ANGPT4: variants seen among roughly 807,000 people sequenced by gnomAD.
ANGPT4 encodes angiopoietin-4.
Under a neutral mutation model 53.0 loss-of-function variants are expected in ANGPT4, and 50 were observed. That is an observed-to-expected ratio of 0.94 (90% CI 0.75 to 1.20). The LOEUF (loss-of-function observed/expected upper bound fraction) is 1.20. Among genes scored for constraint, ANGPT4 ranks in the 50% most tolerant of loss-of-function variants. ANGPT4 has a pLI of 0.00. For missense variants in ANGPT4, 648 were observed against 637.1 expected (o/e 1.02, Z -0.18); for synonymous variants, 251 against 259.7 (o/e 0.97, Z 0.32).
chr20:889,101 C>T (rs929343490), intron 2 of ANGPT4, among the ~76,000 whole-genome samples: 1 of 152,192 alleles, frequency 6.6e-6, no homozygotes, highest in East Asian at 1.9e-4. Flanking sequence ...GCACTCTCTG[C>T]AGTAAGCCTG....
chr20:909,194 T>C (rs1281674108), intron 1 of ANGPT4, among the ~76,000 whole-genome samples: 1 of 152,164 alleles, frequency 6.6e-6, no homozygotes, highest in Non-Finnish European at 1.5e-5. Context: ...ACGAGGTTTA[T>C]GAGTCAATGT....
At chr20:901,147 C>T (rs997703074) in intron 1 of ANGPT4, among the ~76,000 whole-genome samples, 12 of 152,174 alleles carry the variant, frequency 7.9e-5, no homozygotes, top group Admixed American at 1.3e-4. Flanking sequence ...CACCCCAACA[C>T]TTCACCTCTA....
chr20:891,278 T>C (rs1201889729), intron 1 of ANGPT4, among the ~76,000 whole-genome samples: 1 of 152,164 alleles, frequency 6.6e-6, no homozygotes, highest in Non-Finnish European at 1.5e-5. Context: ...CCAAGCTGTG[T>C]TTTCTATCTT....
rs1330392863 is a variant in ANGPT4 at position 908,109 on chromosome 20, C to A, written c.309+7797G>T. 6.6e-6 allele frequency among the ~76,000 whole-genome samples: 1 copy of A among 152,108 alleles called. No individual in the cohort carries two copies. The highest frequency in any genetic ancestry group is 2.4e-5 in the African/African-American group (1 of 41,404). ...GGGGTGACAGGGATAAGATTAGGGT[C>A]AGACAAAGATGGTGGAAGCTGGCTC... On this transcript the variant is annotated intron_variant, in intron 1 of 8. Transcript: ENST00000381922. The surrounding 1 kb of genome is among the most constrained non-coding windows in gnomAD (Gnocchi z 4.9).
rs547806349 is a variant in ANGPT4, at chr20:914,197, G to C, written c.309+1709C>G. Among the ~76,000 whole-genome samples the C allele has an allele frequency of 8.5e-5, 13 of 152,254 alleles. No homozygotes were observed. The South Asian group carries it at 2.7e-3, about 32-fold the overall frequency. On this transcript the variant is annotated intron_variant, in intron 1 of 8. Transcript: ENST00000381922. This position sits in a 1 kb window ranked among gnomAD's most constrained non-coding sequence, Gnocchi z 5.0. ...AGTGAGCAAAAGAGACATGGCGCCTGCCCTCTGGGAGCTCACACACCAAAA... is the reference window on the plus strand; with the variant it reads ...AGTGAGCAAAAGAGACATGGCGCCTCCCCTCTGGGAGCTCACACACCAAAA...
Position 908,664 on chromosome 20 carries a change from A to G in ANGPT4, c.309+7242T>C, listed in dbSNP as rs1371491719. Among the ~76,000 whole-genome samples the G allele has an allele frequency of 6.6e-6, 1 of 152,194 alleles. No homozygotes were observed. Among genetic ancestry groups the G allele is most frequent in the African/African-American group, 2.4e-5 (1 of 41,440 alleles). On this transcript the variant is annotated intron_variant, in intron 1 of 8. Coordinates refer to ENST00000381922, the MANE Select transcript of ANGPT4 (RefSeq NM_015985.4). This position sits in a 1 kb window ranked among gnomAD's most constrained non-coding sequence, Gnocchi z 4.9. ...TTGTCACTTGCATGGCGCCTGGCGC[A>G]TTGTAAGCCCTCAATAAACAGTGGT...
At chr20:915,771 C>T (rs1292308294) in intron 1 of ANGPT4, 135 bp downstream of exon 1, 1 of 1,160,454 alleles carries the variant, frequency 8.6e-7, no homozygotes, top group East Asian at 2.4e-5. Context: ...TCAGACCCAC[C>T]CCTGCCCCTC....
At chr20:898,966 C>T (rs949214354) in intron 1 of ANGPT4, among the ~76,000 whole-genome samples, 1 of 151,718 alleles carries the variant, frequency 6.6e-6, no homozygotes, top group African/African-American at 2.4e-5. Flanking sequence ...GAAATCTGGC[C>T]CAAGGCTGTC....
At chr20:876,588 C>A (rs1286303923) in intron 7 of ANGPT4, among the ~76,000 whole-genome samples, 3 of 152,332 alleles carry the variant, frequency 2.0e-5, no homozygotes, top group South Asian at 4.1e-4. Context: ...TCATCACACC[C>A]TTTTTGAGGT....
chr20:877,980 A>G (rs1257043358), intron 7 of ANGPT4, among the ~76,000 whole-genome samples, 181 bp downstream of exon 7: 1 of 152,222 alleles, frequency 6.6e-6, no homozygotes, highest in Non-Finnish European at 1.5e-5. Flanking sequence ...GGACATGCTG[A>G]GTGCTAACCA....
chr20:907,477 G>C (rs187033992), intron 1 of ANGPT4, among the ~76,000 whole-genome samples: 1 of 152,156 alleles, frequency 6.6e-6, no homozygotes, highest in African/African-American at 2.4e-5. Context: ...AGGTGTTTGC[G>C]ATCGCTCACC....
intron 2 of ANGPT4, 40 bp downstream of exon 2, chr20:890,173 G>A (rs776105461): frequency 1.1e-5 from 17 of 1,597,476 alleles, no homozygotes; most frequent in Non-Finnish European, 1.3e-5. Context: ...AGCCTGGCCA[G>A]CCACAGGCCC....
chr20:894,894 C>A (rs1981984266), intron 1 of ANGPT4, among the ~76,000 whole-genome samples: 1 of 152,150 alleles, frequency 6.6e-6, no homozygotes, highest in South Asian at 2.1e-4. Context: ...GTGACTGGAG[C>A]TCCCCAAGCA....
Position 908,502 on chromosome 20 carries a change from C to T in ANGPT4, c.309+7404G>A, listed in dbSNP as rs1215247503. ...CTCAAGGTCAGGCACCCATTATCCA[C>T]CCCTAGCATCTCTCGGTCCCTCCTT... is the stretch of plus-strand genomic sequence containing the variant. On this transcript the variant is annotated intron_variant, in intron 1 of 8. Coordinates refer to ENST00000381922, the MANE Select transcript of ANGPT4 (RefSeq NM_015985.4). This position sits in a 1 kb window ranked among gnomAD's most constrained non-coding sequence, Gnocchi z 4.9. Among the ~76,000 whole-genome samples, 1 of 152,202 alleles carries T rather than the reference C, an allele frequency of 6.6e-6. No homozygotes were observed. The highest frequency in any genetic ancestry group is 1.9e-4 in the East Asian group (1 of 5,184).
chr20:882,638 A>G (rs1278724288), intron 4 of ANGPT4, among the ~76,000 whole-genome samples: 1 of 152,122 alleles, frequency 6.6e-6, no homozygotes, highest in Non-Finnish European at 1.5e-5. Context: ...AGGGAATTGG[A>G]GTCCAGCCAA....
intron 6 of ANGPT4, among the ~76,000 whole-genome samples, chr20:878,670 T>A (rs995407397): frequency 6.6e-6 from 1 of 152,210 alleles, no homozygotes; most frequent in Non-Finnish European, 1.5e-5. Flanking sequence ...GGGAGTGTTG[T>A]ACATCTAGCA....
At position 911,953 on chromosome 20, in the gene ANGPT4, C is replaced by G. The variant is rs1982719044; in HGVS notation, c.309+3953G>C. On this transcript the variant is annotated intron_variant, in intron 1 of 8. Coordinates refer to ENST00000381922, the MANE Select transcript of ANGPT4 (RefSeq NM_015985.4). This position sits in a 1 kb window ranked among gnomAD's most constrained non-coding sequence, Gnocchi z 4.9. ...GCTGCCATGGACCCCAGGCCAGCAGCTGCTGGCTGCTCCCTAAAGGTGAGA... is the reference window on the plus strand; with the variant it reads ...GCTGCCATGGACCCCAGGCCAGCAGGTGCTGGCTGCTCCCTAAAGGTGAGA... Among the ~76,000 whole-genome samples the G allele has an allele frequency of 6.6e-6, 1 of 152,044 alleles. No homozygotes were observed.
intron 1 of ANGPT4, among the ~76,000 whole-genome samples, chr20:895,305 G>A (rs898825041): frequency 6.6e-6 from 1 of 152,202 alleles, no homozygotes; most frequent in Non-Finnish European, 1.5e-5. Context: ...ACAAAGGCCT[G>A]ACCTTTTGTC....
intron 1 of ANGPT4, among the ~76,000 whole-genome samples, chr20:904,736 C>T (rs1311176612): frequency 1.3e-5 from 2 of 152,214 alleles, no homozygotes; most frequent in Non-Finnish European, 2.9e-5. Context: ...AAGCGATCTT[C>T]CCACCTCAGC....
Sources: allele counts gnomAD v4.1 joint callset (sites outside exome capture counted in the v4.1 genomes callset), GRCh38; gene constraint gnomAD v4.1.1; non-coding constraint Gnocchi (gnomAD v3.1); transcripts MANE v1.5; gene names NCBI Gene and HGNC (gene_info 2026-07-23, HGNC 2026-07-21).